The following PRKCZ variants were observed in gnomAD, a reference collection of about 807,000 sequenced individuals.
The protein encoded by PRKCZ is protein kinase C zeta type.
Under a neutral mutation model 79.5 loss-of-function variants are expected in PRKCZ, and 33 were observed. The observed-to-expected ratio is 0.41, with a 90% confidence interval of 0.31 to 0.55. The LOEUF (loss-of-function observed/expected upper bound fraction) is 0.55. PRKCZ is among the 20% of genes least tolerant of loss of function. The probability of loss-of-function intolerance (pLI) is 0.19; values close to 1 mark genes in which losing one functional copy is unlikely to be tolerated. For missense variants in PRKCZ, 578 were observed against 813.5 expected (o/e 0.71, Z 3.52); for synonymous variants, 342 against 320.9 (o/e 1.07, Z -0.70).
At chr1:2,153,647 A>G (rs1357500351) in intron 9 of PRKCZ, among the ~76,000 whole-genome samples, 7 of 152,250 alleles carry the variant, frequency 4.6e-5, no homozygotes, top group African/African-American at 1.7e-4. Context: ...GCAGCACAGG[A>G]GGATTCCAGC....
At chr1:2,124,388 G>GCAGTGGTTAGGGTCA (rs1210250063) in intron 4 of PRKCZ, among the ~76,000 whole-genome samples, 1 of 131,684 alleles carries the variant, frequency 7.6e-6, no homozygotes, top group African/African-American at 3.2e-5. Flanking sequence ...TAGGGTCACG[G>GCAGTGGTTAGGGTCA]CGGTGGTTAG....
At chr1:2,060,406 A>G (rs1053914490) in intron 4 of PRKCZ, among the ~76,000 whole-genome samples, 5 of 152,138 alleles carry the variant, frequency 3.3e-5, no homozygotes, top group Non-Finnish European at 7.4e-5. Flanking sequence ...GATTCAGGCC[A>G]AGAGGGTGAG....
rs541648338 is a variant in PRKCZ, at chr1:2,112,056, C to T, written c.335-23206C>T. Among the ~76,000 whole-genome samples, 7 of 152,312 alleles carry T rather than the reference C, an allele frequency of 4.6e-5. No homozygotes were observed. In the East Asian group the frequency reaches 1.2e-3, roughly 25 times the overall value. ...TCATTTTCATGAATCTGCTGTAAAA[C>T]GTCTCCCAAACTCCAAGTGTTTCCC... is the stretch of plus-strand genomic sequence containing the variant. On this transcript the variant is annotated intron_variant, in intron 4 of 17. Coordinates refer to ENST00000378567, the MANE Select transcript of PRKCZ (RefSeq NM_002744.6).
At chr1:2,163,418 C>T (rs1682701246) in intron 10 of PRKCZ, among the ~76,000 whole-genome samples, 1 of 152,216 alleles carries the variant, frequency 6.6e-6, no homozygotes, top group Non-Finnish European at 1.5e-5. Context: ...TCTGAGGACA[C>T]CTGCTGGCAA....
chr1:2,175,075 C>T (rs1414326421), intron 15 of PRKCZ, 149 bp from the exon 16 acceptor site: 7 of 756,204 alleles, frequency 9.3e-6, no homozygotes, highest in Non-Finnish European at 1.5e-5. Context: ...GGGGAAGGAA[C>T]TTTCAATAAA....
At chr1:2,118,950 T>C (rs1046705048) in intron 4 of PRKCZ, among the ~76,000 whole-genome samples, 5 of 152,222 alleles carry the variant, frequency 3.3e-5, no homozygotes, top group African/African-American at 1.2e-4. Context: ...ATGTGTTACA[T>C]TGTAGCTTTG....
rs577592658 is a variant in PRKCZ, at chr1:2,173,040, G to A, written c.1285+652G>A. 1.2e-4 allele frequency among the ~76,000 whole-genome samples: 19 copies of A among 152,358 alleles called. No homozygotes were observed. Among genetic ancestry groups the A allele is most frequent in the South Asian group, 4.1e-4 (2 of 4,828 alleles). On this transcript the variant is annotated intron_variant, in intron 13 of 17. Coordinates refer to ENST00000378567, the MANE Select transcript of PRKCZ (RefSeq NM_002744.6). The surrounding 1 kb of genome is among the most constrained non-coding windows in gnomAD (Gnocchi z 5.7). ...GTGTGTGCCGTTGGGCTGAGTGTTC[G>A]TGTGTCGGGCATCCATGTGTGTTGT...
chr1:2,148,260 C>T (rs1268869209), intron 7 of PRKCZ, among the ~76,000 whole-genome samples: 3 of 152,072 alleles, frequency 2.0e-5, no homozygotes, highest in Admixed American at 6.5e-5. Flanking sequence ...GTCCACTGAC[C>T]TCTCCATCTA....
chr1:2,106,634 A>G lies in PRKCZ; in HGVS notation c.335-28628A>G, dbSNP rs111391967. ...TCACCAGGCCAGGTAACTCTCAGCAAGCCCCTCTGGTGGGCGAGGACCTCC... is the reference window on the plus strand; with the variant it reads ...TCACCAGGCCAGGTAACTCTCAGCAGGCCCCTCTGGTGGGCGAGGACCTCC... On this transcript the variant is annotated intron_variant, in intron 4 of 17. Coordinates refer to ENST00000378567, the MANE Select transcript of PRKCZ (RefSeq NM_002744.6). Among the ~76,000 whole-genome samples, 88 of 86,254 alleles carry G rather than the reference A, an allele frequency of 1.0e-3. 6 individuals are homozygous for G. The highest frequency in any genetic ancestry group is 4.1e-3 in the African/African-American group (75 of 18,460). The allele number at this position is 86,254 out of a possible 152,430, so 56.6% of individuals were successfully genotyped here.
At chr1:2,171,977 T>C (rs1387493785) in intron 11 of PRKCZ, 78 bp from the exon 12 acceptor site, 2 of 1,490,618 alleles carry the variant, frequency 1.3e-6, no homozygotes, top group African/African-American at 2.8e-5. Context: ...CAAACGGGAG[T>C]GTGTGGCCCC....
chr1:2,167,789 G>A (rs909279265), intron 10 of PRKCZ, among the ~76,000 whole-genome samples: 1 of 152,138 alleles, frequency 6.6e-6, no homozygotes, highest in Non-Finnish European at 1.5e-5. Flanking sequence ...ATCTTTAGTA[G>A]AGATGAGGTT....
intron 4 of PRKCZ, among the ~76,000 whole-genome samples, chr1:2,076,902 A>G (rs1300030050): frequency 6.6e-6 from 1 of 152,136 alleles, no homozygotes; most frequent in Non-Finnish European, 1.5e-5. Flanking sequence ...CCGGCAGCTC[A>G]TTTCTAGGAT....
In PRKCZ at chr1:2,082,712, A is replaced by C. The variant is rs1372836942; in HGVS notation, c.334+23121A>C. 1.4e-5 allele frequency among the ~76,000 whole-genome samples: 2 copies of C among 143,220 alleles called. No individual in the cohort carries two copies. The highest frequency in any genetic ancestry group is 3.1e-5 in the Non-Finnish European group (2 of 65,434). The allele number at this position is 143,220 out of a possible 152,430, so 94.0% of individuals were successfully genotyped here. A position where few individuals can be genotyped will look rare whatever the true frequency, so the allele number is the denominator to read the frequency against. On this transcript the variant is annotated intron_variant, in intron 4 of 17. Transcript: ENST00000378567. The surrounding 1 kb of genome is among the most constrained non-coding windows in gnomAD (Gnocchi z 4.4). Reference sequence around the variant, plus strand: ...CCCCCCGCCCAACCCTCCCCTGGAGATGGGATGTCAGGAGACCTGGTTCCA... The same window carrying C: ...CCCCCCGCCCAACCCTCCCCTGGAGCTGGGATGTCAGGAGACCTGGTTCCA...
chr1:2,050,327 G>A (rs1222278821), upstream of PRKCZ: 15 of 159,160 alleles, frequency 9.4e-5, no homozygotes, highest in Non-Finnish European at 1.9e-4. Context: ...GCCCCGCCTC[G>A]CCCTCATTGG....
At chr1:2,134,459 C>T (rs1040229851) in intron 4 of PRKCZ, among the ~76,000 whole-genome samples, 2 of 152,148 alleles carry the variant, frequency 1.3e-5, no homozygotes, top group Non-Finnish European at 2.9e-5. Flanking sequence ...CACACACATC[C>T]GTTTCAAAGA....
At chr1:2,081,472 C>A (rs114921669) in intron 4 of PRKCZ, among the ~76,000 whole-genome samples, 8 of 152,124 alleles carry the variant, frequency 5.3e-5, no homozygotes, top group African/African-American at 1.7e-4. Flanking sequence ...TGGGCATGGA[C>A]CCCCAGAAGG....
intron 3 of PRKCZ, among the ~76,000 whole-genome samples, chr1:2,057,560 A>G (rs530013903): frequency 2.2e-4 from 34 of 152,120 alleles, no homozygotes; most frequent in African/African-American, 7.5e-4. Flanking sequence ...CTTTATATCA[A>G]TGAGGCTCTA....
intron 4 of PRKCZ, among the ~76,000 whole-genome samples, chr1:2,115,428 A>G (rs1670566862): frequency 6.6e-6 from 1 of 152,154 alleles, no homozygotes; most frequent in Non-Finnish European, 1.5e-5. Context: ...ACCAGGTCGC[A>G]CTCTGCACTG....
At chr1:2,106,488 A>G (rs144236779) in intron 4 of PRKCZ, among the ~76,000 whole-genome samples, 7,945 of 70,966 alleles carry the variant, frequency 0.11, 567 homozygotes, top group East Asian at 0.38. Context: ...GGACCTCCAC[A>G]CGTGTCACCA....
Sources: allele counts gnomAD v4.1 joint callset (sites outside exome capture counted in the v4.1 genomes callset), GRCh38; gene constraint gnomAD v4.1.1; non-coding constraint Gnocchi (gnomAD v3.1); transcripts MANE v1.5; gene names NCBI Gene and HGNC (gene_info 2026-07-23, HGNC 2026-07-21).